TSHR: variants seen among roughly 807,000 people sequenced by gnomAD.
TSHR encodes the protein thyroid stimulating hormone receptor, also known as thyrotropin receptor.
A neutral mutation model predicts 64.1 loss-of-function variants in TSHR; 51 were observed. The observed-to-expected ratio is 0.80, with a 90% CI of 0.64 to 1.01. The LOEUF is 1.01. TSHR is among the 50% of genes least tolerant of loss of function. TSHR has a pLI of 0.00. For missense variants in TSHR, 877 were observed against 942.8 expected, an observed-to-expected ratio of 0.93 and a Z score of 0.91; for synonymous variants, 361 against 361.9, an observed-to-expected ratio of 1.00 and a Z score of 0.03.
At position 81,144,797 on chromosome 14, in the gene TSHR, AC is replaced by A. The variant is rs1891869254; in HGVS notation, c.*445del. 1 of 244,548 alleles carries A rather than the reference AC, an allele frequency of 4.1e-6. No individual in the cohort carries two copies. Among genetic ancestry groups the A allele is most frequent in the African/African-American group, 2.2e-5 (1 of 45,494 alleles). The allele number at this position is 244,548 out of a possible 1,614,324, so 15.1% of individuals were successfully genotyped here. A position where few individuals can be genotyped will look rare whatever the true frequency, so the allele number is the denominator to read the frequency against. On this transcript the variant is annotated 3_prime_UTR_variant, in exon 10 of 10. Coordinates refer to ENST00000298171, the MANE Select transcript of TSHR (RefSeq NM_000369.5). The stretch of plus-strand genomic sequence containing the variant: ...ATCAGTCCCACGTTGGCTCAGTTCA[AC>A]TAGATGTTCCCTGATACAAAGAGAA...
chr14:81,108,668 G>C (rs200568195), intron 8 of TSHR: 6 of 1,613,902 alleles, frequency 3.7e-6, no homozygotes, highest in Non-Finnish European at 5.1e-6. Context: ...CCACGCTCCA[G>C]TATGCCATCA....
intron 8 of TSHR, among the ~76,000 whole-genome samples, chr14:81,127,356 A>T (rs868080411): frequency 1.6e-4 from 25 of 152,100 alleles, no homozygotes; most frequent in African/African-American, 5.8e-4. Flanking sequence ...TAAACACTTA[A>T]AAAAAAGTGG....
chr14:80,970,673 C>G (rs544677747), intron 1 of TSHR, among the ~76,000 whole-genome samples: 6 of 152,308 alleles, frequency 3.9e-5, no homozygotes, highest in African/African-American at 1.4e-4. Context: ...CTTGTAGGTC[C>G]TACCTGAAAC....
At chr14:81,102,607 G>T (rs1282361498) in intron 7 of TSHR, 1 of 194,616 alleles carries the variant, frequency 5.1e-6, no homozygotes, top group African/African-American at 2.4e-5. Flanking sequence ...GGGACATATG[G>T]TCTTAGTTGC....
At position 81,141,859 on chromosome 14, in the gene TSHR, A is replaced by G. The variant is rs933133587; in HGVS notation, c.882-1081A>G. 3.9e-5 allele frequency among the ~76,000 whole-genome samples: 6 copies of G among 152,312 alleles called. 1 individual carries two copies. The highest frequency in any genetic ancestry group is 3.4e-3 in the Middle Eastern group (1 of 294). On this transcript the variant is annotated intron_variant, in intron 9 of 9. Coordinates refer to ENST00000298171, the MANE Select transcript of TSHR (RefSeq NM_000369.5). ...GGGAACATAGGGTTTTAGAGCTTTG[A>G]ATAGGAATAATAATAACAATAACCA...
intron 3 of TSHR, among the ~76,000 whole-genome samples, chr14:81,081,485 A>C (rs1269288468): frequency 6.6e-6 from 1 of 152,162 alleles, no homozygotes; most frequent in Non-Finnish European, 1.5e-5. Flanking sequence ...AGCTGTCAGA[A>C]AGTTCATTTC....
chr14:81,085,300 A>G (rs1266230342), intron 3 of TSHR, among the ~76,000 whole-genome samples: 1 of 152,136 alleles, frequency 6.6e-6, no homozygotes, highest in Non-Finnish European at 1.5e-5. Flanking sequence ...TAGCTAAACT[A>G]CTGGCAGTCT....
chr14:81,108,236 A>G, intron 7 of TSHR, 139 bp from the exon 8 acceptor site: 1 of 749,018 alleles, frequency 1.3e-6, no homozygotes, highest in Non-Finnish European at 2.3e-6. Flanking sequence ...TCAAGCCAGA[A>G]GAAGATAAAG....
At chr14:81,084,916 T>A (rs2300528) in intron 3 of TSHR, among the ~76,000 whole-genome samples, 37,050 of 152,076 alleles carry the variant, frequency 0.24, 6,654 homozygotes, top group African/African-American at 0.52. Context: ...TATCTTTGAA[T>A]AGGTTTTACT....
intron 1 of TSHR, among the ~76,000 whole-genome samples, chr14:81,042,284 T>C (rs765343457): frequency 1.3e-5 from 2 of 152,148 alleles, no homozygotes; most frequent in Non-Finnish European, 2.9e-5. Flanking sequence ...AAGCTCACTA[T>C]TGTGTATATG....
In TSHR at chr14:81,032,689, C is replaced by T. The variant is rs1369184180; in HGVS notation, c.171-29459C>T. On this transcript the variant is annotated intron_variant, in intron 1 of 9. Coordinates refer to ENST00000298171, the MANE Select transcript of TSHR (RefSeq NM_000369.5). ...GGCATAATCTCTCCTGTTGGTGATG[C>T]ATACAAGAAGAAGGGACTCATGCCT... The T allele has an allele frequency of 7.0e-6, 3 of 428,772 alleles. No homozygotes were observed. The East Asian group carries it at 2.0e-4, about 28-fold the overall frequency. 26.6% of individuals were successfully genotyped at this position (428,772 alleles called of 1,614,324 possible).
chr14:81,019,989 TG>T (rs1231395705), intron 1 of TSHR, among the ~76,000 whole-genome samples: 4 of 152,190 alleles, frequency 2.6e-5, no homozygotes, highest in Non-Finnish European at 4.4e-5. Context: ...ATGGGATTGC[TG>T]GGTCAAATGG....
chr14:81,007,655 T>C (rs1889673295), intron 1 of TSHR, among the ~76,000 whole-genome samples: 1 of 152,208 alleles, frequency 6.6e-6, no homozygotes, highest in South Asian at 2.1e-4. Context: ...ATATTACTCT[T>C]TTCTCCTTCT....
At chr14:81,016,764 G>C (rs764604890) in intron 1 of TSHR, among the ~76,000 whole-genome samples, 1 of 152,104 alleles carries the variant, frequency 6.6e-6, no homozygotes. Context: ...CTTCTAGTTT[G>C]AGGACTTATG....
intron 1 of TSHR, 107 bp from the exon 2 acceptor site, chr14:81,062,041 A>G (rs1886281734): frequency 2.1e-6 from 2 of 967,956 alleles, no homozygotes; most frequent in South Asian, 1.5e-5. Context: ...CAGCCAACAT[A>G]TTGTGAAAAC....
intron 3 of TSHR, 40 bp from the exon 4 acceptor site, chr14:81,087,914 G>A (rs756611262): frequency 1.4e-5 from 19 of 1,350,542 alleles, no homozygotes; most frequent in Middle Eastern, 1.8e-4. Flanking sequence ...GAACAGATAC[G>A]GATGCATTAT....
At chr14:81,123,198 T>C (rs1215882013) in intron 8 of TSHR, among the ~76,000 whole-genome samples, 2 of 151,928 alleles carry the variant, frequency 1.3e-5, no homozygotes, top group Non-Finnish European at 2.9e-5. Flanking sequence ...ACAATGGAGA[T>C]GTCAGCATGT....
intron 1 of TSHR, among the ~76,000 whole-genome samples, chr14:80,962,396 G>A (rs1887083896): frequency 6.6e-6 from 1 of 152,140 alleles, no homozygotes; most frequent in African/African-American, 2.4e-5. Flanking sequence ...GTATTGGCAG[G>A]GTCATGCTTC....
chr14:81,137,381 G>A (rs139550176), intron 8 of TSHR, among the ~76,000 whole-genome samples: 1 of 152,288 alleles, frequency 6.6e-6, no homozygotes, highest in East Asian at 1.9e-4. Context: ...CCCATTAAGA[G>A]GTGGACTGTA....
Sources: allele counts gnomAD v4.1 joint callset (sites outside exome capture counted in the v4.1 genomes callset), GRCh38; gene constraint gnomAD v4.1.1; transcripts MANE v1.5; gene names NCBI Gene and HGNC (gene_info 2026-07-23, HGNC 2026-07-21).